Variants in LSP1 observed in about 807,000 individuals in gnomAD.
LSP1 encodes lymphocyte specific protein 1.
LSP1 carries 32 observed loss-of-function variants against 49.3 expected under a neutral mutation model. The observed-to-expected ratio is 0.65, with a 90% confidence interval of 0.49 to 0.87. The LOEUF is 0.87. Ranked by LOEUF, LSP1 falls within the 40% of genes least tolerant of loss-of-function variation. The pLI is 0.00. For synonymous variants in LSP1, 179 were observed against 178.8 expected (o/e 1.00, Z -0.01); for missense variants, 428 against 442.6 (o/e 0.97, Z 0.30).
intron 1 of LSP1, among the ~76,000 whole-genome samples, chr11:1,878,633 C>T (rs1450906494): frequency 6.6e-6 from 1 of 152,122 alleles, no homozygotes; most frequent in Non-Finnish European, 1.5e-5. Flanking sequence ...AGATCACGCG[C>T]TGGCAGGGCT....
rs1427685364 is a variant in LSP1 at position 1,889,652 on chromosome 11, G to C, written c.*13+2076G>C. 1.9e-5 allele frequency: 12 copies of C among 629,214 alleles called. No homozygotes were observed. In the East Asian group the frequency reaches 3.0e-4, roughly 16 times the overall value. 39.0% of individuals were successfully genotyped at this position (629,214 alleles called of 1,614,324 possible). ...GGGTAGGGGATGAGGCCCAGGCAGG[G>C]CTGGACACTCGCTCGGCCTCAGCGG... On this transcript the variant is annotated intron_variant, in intron 10 of 10. Coordinates refer to ENST00000311604, the MANE Select transcript of LSP1 (RefSeq NM_002339.3).
chr11:1,887,364 G>A, intron 9 of LSP1, 50 bp downstream of exon 9: 1 of 1,590,188 alleles, frequency 6.3e-7, no homozygotes. Context: ...AGCAGGGGAG[G>A]GCAAAGAGGG....
At chr11:1,873,863 T>C (rs149188822) in intron 1 of LSP1, among the ~76,000 whole-genome samples, 18,990 of 63,446 alleles carry the variant, frequency 0.3, 2,600 homozygotes, top group South Asian at 0.36. Context: ...GGAGGGAGGC[T>C]GGCAGAGGAG....
intron 7 of LSP1, among the ~76,000 whole-genome samples, chr11:1,885,151 G>A (rs1267683130): frequency 1.3e-5 from 2 of 149,898 alleles, no homozygotes; most frequent in Admixed American, 6.6e-5. Context: ...TCCAATCAAT[G>A]TCCCTCCCAT....
intron 1 of LSP1, among the ~76,000 whole-genome samples, chr11:1,873,653 G>A (rs1054842294): frequency 1.8e-4 from 27 of 152,070 alleles, no homozygotes; most frequent in Non-Finnish European, 2.9e-4. Context: ...GGAGGAGGGA[G>A]GAGGGAGGAA....
chr11:1,856,668 A>T (rs1847496892), intron 1 of LSP1, among the ~76,000 whole-genome samples: 3 of 152,230 alleles, frequency 2.0e-5, no homozygotes, highest in Non-Finnish European at 4.4e-5. Flanking sequence ...ATTCTGAAGG[A>T]GGAAGGGGCT....
In LSP1 at chr11:1,881,555, G is replaced by GC. The variant is rs752018434; in HGVS notation, c.322dup (p.Gln108ProfsTer6). ...CGCAGGGCGCCTTGGACAGCGGAGA[G>GC]CCCCCCCAGTGCAGGAGTCCTGAGG... On this transcript the variant is annotated frameshift_variant, in exon 3 of 11. Transcript: ENST00000311604. LOFTEE classifies it high-confidence loss of function. 74 of 1,540,776 alleles carry GC rather than the reference G, an allele frequency of 4.8e-5. No homozygotes were observed. Among genetic ancestry groups the GC allele is most frequent in the Non-Finnish European group, 5.6e-5 (64 of 1,142,010 alleles).
chr11:1,864,161 G>A (rs1847714435), intron 1 of LSP1: 1 of 985,556 alleles, frequency 1.0e-6, no homozygotes, highest in African/African-American at 1.8e-5. Flanking sequence ...GAGGAGAGAG[G>A]GGCTGAGTGC....
chr11:1,879,851 G>T lies in LSP1; in HGVS notation c.54-236G>T, dbSNP rs552462325. Among the ~76,000 whole-genome samples, 19 of 152,336 alleles carry T rather than the reference G, an allele frequency of 1.2e-4. No homozygotes were observed. In the South Asian group the frequency reaches 3.7e-3, roughly 30 times the overall value. Reference sequence around the variant, plus strand: ...TCCCCACAGGGCACAGGGGTGCCCAGATCCTCACAGGGCCCCAGGACCCTC... The same window carrying T: ...TCCCCACAGGGCACAGGGGTGCCCATATCCTCACAGGGCCCCAGGACCCTC... On this transcript the variant is annotated intron_variant, in intron 1 of 10. Coordinates refer to ENST00000311604, the MANE Select transcript of LSP1 (RefSeq NM_002339.3).
Position 1,884,691 on chromosome 11 carries a change from C to A in LSP1, c.717+110C>A. The A allele has an allele frequency of 1.2e-6, 1 of 843,616 alleles. No individual in the cohort carries two copies. Among genetic ancestry groups the A allele is most frequent in the Non-Finnish European group, 1.9e-6 (1 of 519,998 alleles). 52.3% of individuals were successfully genotyped at this position (843,616 alleles called of 1,614,324 possible). A position where few individuals can be genotyped will look rare whatever the true frequency, so the allele number is the denominator to read the frequency against. ...CAGTGCCGCCTTATTCAACCAACACCCTATCCAACCAATGCTTCTCCATCC... is the reference window on the plus strand; with the variant it reads ...CAGTGCCGCCTTATTCAACCAACACACTATCCAACCAATGCTTCTCCATCC... On this transcript the variant is annotated intron_variant, in intron 7 of 10. Coordinates refer to ENST00000311604, the MANE Select transcript of LSP1 (RefSeq NM_002339.3). This position sits in a 1 kb window ranked among gnomAD's most constrained non-coding sequence, Gnocchi z 4.1.
chr11:1,883,783 C>A, intron 4 of LSP1, 149 bp from the exon 5 acceptor site: 1 of 891,984 alleles, frequency 1.1e-6, no homozygotes, highest in Non-Finnish European at 1.7e-6. Flanking sequence ...CTCCTCAGTC[C>A]CTCCCCACCA....
intron 1 of LSP1, chr11:1,870,208 T>C (rs1847940905): frequency 8.5e-7 from 1 of 1,180,064 alleles, no homozygotes; most frequent in Non-Finnish European, 1.1e-6. Context: ...CCCAAGGCCA[T>C]GTGAGTCTCC....
chr11:1,886,131 T>G, intron 7 of LSP1, among the ~76,000 whole-genome samples: 1 of 151,416 alleles, frequency 6.6e-6, no homozygotes, highest in East Asian at 2.0e-4. Flanking sequence ...ATCCAGTCAA[T>G]ACCTTTCCAT....
chr11:1,879,469 G>T (rs1302429080), intron 1 of LSP1, among the ~76,000 whole-genome samples: 1 of 152,252 alleles, frequency 6.6e-6, no homozygotes, highest in East Asian at 1.9e-4. Flanking sequence ...GCCCAGGCAG[G>T]ACCCATGAGT....
chr11:1,882,395 T>C (rs1372062439), intron 3 of LSP1, among the ~76,000 whole-genome samples: 1 of 152,026 alleles, frequency 6.6e-6, no homozygotes, highest in Non-Finnish European at 1.5e-5. Context: ...AGCCTGGAGC[T>C]CTAGGGACCA....
In LSP1 at chr11:1,883,459, G is replaced by A; in HGVS notation, c.397G>A (p.Val133Ile). ...HAYEKEDSDE[V>I]HLEELSLSKE... ...CTACGAAAAGGAGGACAGTGATGAA[G>A]TCCACCTGGAGGAGTTGAGTCTGAG... Residue 133 changes from valine to isoleucine, a missense_variant, in exon 4 of 11, where the codon GTC (valine) becomes ATC (isoleucine). By Grantham distance (29) the Val-to-Ile change is conservative. Coordinates refer to ENST00000311604, the MANE Select transcript of LSP1 (RefSeq NM_002339.3). 1 of 1,614,122 alleles carries A rather than the reference G, an allele frequency of 6.2e-7. No individual in the cohort carries two copies.
In LSP1 at chr11:1,890,049, G is replaced by T. The variant is rs1848927121; in HGVS notation, c.*14-1724G>T. The T allele has an allele frequency of 4.3e-6, 3 of 705,746 alleles. No homozygotes were observed. In the South Asian group the frequency reaches 4.5e-5, roughly 11 times the overall value. 43.7% of individuals were successfully genotyped at this position (705,746 alleles called of 1,614,324 possible). ...TGGTGCCAGCTGGATGTGCACCTGG[G>T]TGACGTGGGTGCCCCCACCCCCAGA... On this transcript the variant is annotated intron_variant, in intron 10 of 10. Transcript: ENST00000311604.
intron 1 of LSP1, among the ~76,000 whole-genome samples, chr11:1,876,155 G>C (rs1395904321): frequency 6.6e-6 from 1 of 152,216 alleles, no homozygotes; most frequent in Non-Finnish European, 1.5e-5. Context: ...CGGGGTTGCT[G>C]TCCCACTACC....
At chr11:1,870,436 A>G (rs997288246) in intron 1 of LSP1, 1 of 1,206,442 alleles carries the variant, frequency 8.3e-7, no homozygotes, top group South Asian at 1.5e-5. Context: ...AGGGATGATG[A>G]GTCTGGGAGG....
Sources: allele counts gnomAD v4.1 joint callset (sites outside exome capture counted in the v4.1 genomes callset), GRCh38; gene constraint gnomAD v4.1.1; non-coding constraint Gnocchi (gnomAD v3.1); transcripts MANE v1.5; gene names NCBI Gene and HGNC (gene_info 2026-07-23, HGNC 2026-07-21).